SSMEM1: variants seen among roughly 807,000 people sequenced by gnomAD.
SSMEM1 encodes serine-rich single-pass membrane protein 1.
Under a neutral mutation model 9.9 loss-of-function variants are expected in SSMEM1, and 12 were observed. That is an observed-to-expected ratio of 1.21 (90% CI 0.78 to 1.96). The LOEUF (loss-of-function observed/expected upper bound fraction) is 1.96, where lower values mean the gene tolerates loss of function less well. Ranked by LOEUF, SSMEM1 falls within the 30% of genes most tolerant of loss-of-function variation. SSMEM1 has a pLI of 0.00. For synonymous variants in SSMEM1, 96 were observed against 98.9 expected (o/e 0.97, Z 0.17); for missense variants, 259 against 292.2 (o/e 0.89, Z 0.83).
intron 2 of SSMEM1, among the ~76,000 whole-genome samples, 155 bp downstream of exon 2, chr7:130,213,689 T>TAAA (rs199858252): frequency 1.6e-5 from 1 of 62,618 alleles, no homozygotes; most frequent in Middle Eastern, 0.014. Flanking sequence ...TGAGACCCAG[T>TAAA]ACCAAAAAAA....
rs754566893 is a variant in SSMEM1, at chr7:130,216,030, C to T, written c.295C>T (p.Gln99Ter). The T allele has an allele frequency of 6.2e-7, 1 of 1,614,212 alleles. No individual in the cohort carries two copies. The highest frequency in any genetic ancestry group is 1.7e-5 in the Admixed American group (1 of 60,016). Residue 99 changes from glutamine (Q) to a stop codon, truncating the protein, a stop_gained, in exon 3 of 3, where the codon CAA becomes TAA. Coordinates refer to ENST00000297819, the MANE Select transcript of SSMEM1 (RefSeq NM_145268.4). LOFTEE classifies it low-confidence loss of function (END_TRUNC). Reference protein sequence around the residue: ...QSKDSAWDPSQTMKKPKQNQL... With the variant: ...QSKDSAWDPS ...CAAAGACAGTGCCTGGGATCCCTCA[C>T]AAACAATGAAGAAACCAAAGCAGAA...
intron 1 of SSMEM1, among the ~76,000 whole-genome samples, chr7:130,209,318 A>G (rs1049370305): frequency 1.1e-4 from 16 of 152,128 alleles, no homozygotes; most frequent in African/African-American, 3.9e-4. Context: ...TGGGGTGGAG[A>G]AGGTTTGTTA....
At chr7:130,212,177 C>T (rs890683146) in intron 1 of SSMEM1, among the ~76,000 whole-genome samples, 2 of 152,126 alleles carry the variant, frequency 1.3e-5, no homozygotes, top group Non-Finnish European at 2.9e-5. Flanking sequence ...GGACACTAAT[C>T]TGAAAAATGG....
intron 1 of SSMEM1, among the ~76,000 whole-genome samples, chr7:130,211,478 G>A (rs943450610): frequency 6.6e-6 from 1 of 152,114 alleles, no homozygotes; most frequent in African/African-American, 2.4e-5. Context: ...TATCTTAAAA[G>A]TGAACTCCGC....
In SSMEM1 at chr7:130,216,022, A is replaced by T; in HGVS notation, c.287A>T (p.Asp96Val). Residue 96 changes from aspartate (D) to valine (V), a missense_variant, in exon 3 of 3, where the codon GAT becomes GTT. Physicochemically the swap from Asp to Val is radical, Grantham distance 152. Coordinates refer to ENST00000297819, the MANE Select transcript of SSMEM1 (RefSeq NM_145268.4). ...CGGCAAAGCAAAGACAGTGCCTGGG[A>T]TCCCTCACAAACAATGAAGAAACCA... is the stretch of plus-strand genomic sequence containing the variant. ...CKRQSKDSAW[D>V]PSQTMKKPKQ... 6.2e-7 allele frequency: 1 copy of T among 1,614,210 alleles called. No homozygotes were observed. The highest frequency in any genetic ancestry group is 8.5e-7 in the Non-Finnish European group (1 of 1,180,030).
At chr7:130,210,390 T>C (rs1798569649) in intron 1 of SSMEM1, among the ~76,000 whole-genome samples, 1 of 152,224 alleles carries the variant, frequency 6.6e-6, no homozygotes. Context: ...GAAGTAATGG[T>C]AAAAGCACGA....
chr7:130,211,638 C>T (rs2117058070), intron 1 of SSMEM1, among the ~76,000 whole-genome samples: 1 of 152,280 alleles, frequency 6.6e-6, no homozygotes, highest in East Asian at 1.9e-4. Context: ...TGGCACTTTT[C>T]ATCCCAAAGA....
At chr7:130,205,820 A>G (rs563414771), upstream of SSMEM1, among the ~76,000 whole-genome samples, 12 of 151,718 alleles carry the variant, frequency 7.9e-5, no homozygotes, top group Admixed American at 6.6e-4. Context: ...TAAAGTATCT[A>G]TGTCAAGAGT....
chr7:130,209,535 A>G (rs1269715099), intron 1 of SSMEM1, among the ~76,000 whole-genome samples: 2 of 152,198 alleles, frequency 1.3e-5, no homozygotes. Context: ...ACTTTAGAAA[A>G]TTACCAAAAA....
At chr7:130,209,654 A>G (rs187939904) in intron 1 of SSMEM1, among the ~76,000 whole-genome samples, 1 of 152,292 alleles carries the variant, frequency 6.6e-6, no homozygotes, top group African/African-American at 2.4e-5. Flanking sequence ...ATCTTGGCTC[A>G]CTGCAACCTC....
At chr7:130,207,846 GT>G, upstream of SSMEM1, 1 of 1,535,394 alleles carries the variant, frequency 6.5e-7, no homozygotes, top group Non-Finnish European at 9.0e-7. Context: ...CATAGAGGGA[GT>G]GAAGTAGTTC....
upstream of SSMEM1, among the ~76,000 whole-genome samples, chr7:130,206,245 T>C (rs774743476): frequency 5.3e-5 from 8 of 152,100 alleles, no homozygotes; most frequent in Non-Finnish European, 1.2e-4. Flanking sequence ...CCAGAGGAGC[T>C]CAACCCCAGC....
At chr7:130,211,563 A>G (rs1384026558) in intron 1 of SSMEM1, among the ~76,000 whole-genome samples, 2 of 152,206 alleles carry the variant, frequency 1.3e-5, no homozygotes, top group African/African-American at 4.8e-5. Context: ...CTTGCCTACC[A>G]TTGCAGAGAT....
intron 1 of SSMEM1, among the ~76,000 whole-genome samples, chr7:130,208,760 AC>A (rs1798536169): frequency 6.6e-6 from 1 of 152,242 alleles, no homozygotes; most frequent in South Asian, 2.1e-4. Context: ...GCAGAACTAG[AC>A]TAAACAGAAC....
At chr7:130,212,630 C>T (rs376252674) in intron 1 of SSMEM1, among the ~76,000 whole-genome samples, 2 of 151,644 alleles carry the variant, frequency 1.3e-5, no homozygotes, top group East Asian at 1.9e-4. Context: ...GAGGCTGAGA[C>T]GGGAGAATCA....
chr7:130,213,745 T>A (rs2727839), intron 2 of SSMEM1, among the ~76,000 whole-genome samples: 90 of 145,114 alleles, frequency 6.2e-4, no homozygotes, highest in Middle Eastern at 3.5e-3. Flanking sequence ...AAAAGAAAAA[T>A]GAAATAAAGA....
intron 1 of SSMEM1, among the ~76,000 whole-genome samples, chr7:130,209,426 G>A (rs1293927362): frequency 6.6e-6 from 1 of 152,128 alleles, no homozygotes; most frequent in Non-Finnish European, 1.5e-5. Context: ...GCTTCTTAAG[G>A]TAAATACTTT....
At chr7:130,205,898 T>C (rs1223226437), upstream of SSMEM1, among the ~76,000 whole-genome samples, 1 of 152,094 alleles carries the variant, frequency 6.6e-6, no homozygotes, top group East Asian at 1.9e-4. Context: ...CTGGTCTCGA[T>C]TTCCTAACCT....
chr7:130,205,705 A>G (rs1345575053), upstream of SSMEM1, among the ~76,000 whole-genome samples: 2 of 152,200 alleles, frequency 1.3e-5, no homozygotes, highest in African/African-American at 2.4e-5. Flanking sequence ...GCATTTATGG[A>G]CTCACATGTG....
Sources: gnomAD v4.1 joint callset for allele counts (sites outside exome capture counted in the v4.1 genomes callset) on GRCh38, gnomAD v4.1.1 for gene constraint, MANE v1.5 for transcripts, NCBI Gene and HGNC (gene_info 2026-07-23, HGNC 2026-07-21) for gene names.